The following CLSTN2 variants were observed in gnomAD, a reference collection of about 807,000 sequenced individuals.
CLSTN2 encodes the protein calsyntenin 2.
A neutral mutation model predicts 101.2 loss-of-function variants in CLSTN2; 48 were observed. The ratio of observed to expected loss-of-function variants is 0.47; its 90% CI spans 0.38 to 0.60. The LOEUF (loss-of-function observed/expected upper bound fraction) is 0.60. Among genes scored for constraint, CLSTN2 ranks in the 20% least tolerant of loss-of-function variants. The pLI is 0.00. For synonymous variants in CLSTN2, 481 were observed against 463.6 expected (o/e 1.04, Z -0.48); for missense variants, 1,160 against 1,238.2 (o/e 0.94, Z 0.95).
intron 1 of CLSTN2, among the ~76,000 whole-genome samples, chr3:139,953,194 T>C (rs1319057911): frequency 1.3e-5 from 2 of 152,134 alleles, no homozygotes; most frequent in African/African-American, 2.4e-5. Context: ...ACAGGTTGAA[T>C]AGAGACTAGA....
intron 2 of CLSTN2, among the ~76,000 whole-genome samples, chr3:140,178,179 C>T (rs553531908): frequency 5.9e-5 from 9 of 152,016 alleles, no homozygotes; most frequent in East Asian, 1.9e-4. Flanking sequence ...AAACCGAAGT[C>T]GTTGAATAAG....
chr3:140,071,646 A>G (rs7618982), intron 1 of CLSTN2, among the ~76,000 whole-genome samples: 31 of 152,226 alleles, frequency 2.0e-4, no homozygotes, highest in African/African-American at 7.2e-4. Flanking sequence ...CCTGTCTAAC[A>G]CGGTGAAACC....
intron 2 of CLSTN2, among the ~76,000 whole-genome samples, chr3:140,211,695 C>T (rs1019572118): frequency 6.6e-6 from 1 of 151,816 alleles, no homozygotes; most frequent in Non-Finnish European, 1.5e-5. Flanking sequence ...ATTTAACTTA[C>T]TTGAATGACA....
chr3:140,125,216 A>G (rs1384412049), intron 1 of CLSTN2, among the ~76,000 whole-genome samples: 2 of 152,116 alleles, frequency 1.3e-5, no homozygotes, highest in African/African-American at 2.4e-5. Context: ...GAATAGGAGC[A>G]TGAGAATGGG....
At chr3:140,051,123 A>G (rs888051777) in intron 1 of CLSTN2, among the ~76,000 whole-genome samples, 1 of 152,212 alleles carries the variant, frequency 6.6e-6, no homozygotes, top group Non-Finnish European at 1.5e-5. Flanking sequence ...CTCAGCTCCA[A>G]GGGAACAGGA....
At chr3:139,954,618 C>T (rs1935355791) in intron 1 of CLSTN2, among the ~76,000 whole-genome samples, 2 of 152,158 alleles carry the variant, frequency 1.3e-5, no homozygotes, top group Non-Finnish European at 2.9e-5. Flanking sequence ...GGGGGAACAT[C>T]TGGCACCTCT....
At chr3:140,466,875 G>C in intron 8 of CLSTN2, 144 bp downstream of exon 8, 2 of 1,058,398 alleles carry the variant, frequency 1.9e-6, no homozygotes, top group Non-Finnish European at 2.7e-6. Context: ...GAGACACACA[G>C]CATCTTAAAG....
Position 140,393,404 on chromosome 3 carries a change from A to G in CLSTN2, c.233-10225A>G, listed in dbSNP as rs931631720. 3.3e-5 allele frequency among the ~76,000 whole-genome samples: 5 copies of G among 152,220 alleles called. No individual in the cohort carries two copies. In the South Asian group the frequency reaches 6.2e-4, roughly 19 times the overall value. On this transcript the variant is annotated intron_variant, in intron 2 of 16. Transcript: ENST00000458420. ...TATCTTGAGTGCTCATTGACACTCA[A>G]AAACCTCAAATACGTTTAATTGTTT...
chr3:139,974,045 GA>G (rs904384532), intron 1 of CLSTN2, among the ~76,000 whole-genome samples: 1 of 152,202 alleles, frequency 6.6e-6, no homozygotes, highest in African/African-American at 2.4e-5. Flanking sequence ...TTAGCATTGT[GA>G]AGCCTGGCCC....
chr3:140,148,917 CAG>C (rs2009820740), intron 1 of CLSTN2, among the ~76,000 whole-genome samples: 2 of 152,250 alleles, frequency 1.3e-5, no homozygotes, highest in African/African-American at 4.8e-5. Flanking sequence ...GCCATGAATG[CAG>C]CTGGTTGTTA....
chr3:140,431,329 G>C (rs2088625986), intron 5 of CLSTN2, among the ~76,000 whole-genome samples: 1 of 152,188 alleles, frequency 6.6e-6, no homozygotes, highest in Non-Finnish European at 1.5e-5. Flanking sequence ...GAAACACAAA[G>C]TGGGCCTGAG....
intron 5 of CLSTN2, among the ~76,000 whole-genome samples, chr3:140,423,387 G>C (rs557323277): frequency 3.3e-5 from 5 of 152,288 alleles, no homozygotes; most frequent in South Asian, 2.1e-4. Flanking sequence ...CCAGACATGA[G>C]GCAGGCATTT....
At chr3:140,446,210 C>G (rs1933073609) in intron 5 of CLSTN2, among the ~76,000 whole-genome samples, 1 of 152,158 alleles carries the variant, frequency 6.6e-6, no homozygotes, top group Non-Finnish European at 1.5e-5. Flanking sequence ...GCTTTTAGAG[C>G]ATGGGCTGCA....
At chr3:139,957,277 G>A (rs901025685) in intron 1 of CLSTN2, among the ~76,000 whole-genome samples, 2 of 151,984 alleles carry the variant, frequency 1.3e-5, no homozygotes, top group African/African-American at 2.4e-5. Context: ...CCTCCAGGCA[G>A]CACCACTTAC....
At chr3:140,095,840 A>G (rs2008860752) in intron 1 of CLSTN2, among the ~76,000 whole-genome samples, 1 of 152,054 alleles carries the variant, frequency 6.6e-6, no homozygotes. Flanking sequence ...GCCATTCCAA[A>G]CCCCGTAAAT....
intron 1 of CLSTN2, among the ~76,000 whole-genome samples, chr3:140,137,577 G>A (rs2009633520): frequency 6.6e-6 from 1 of 152,162 alleles, no homozygotes; most frequent in Admixed American, 6.5e-5. Flanking sequence ...CTAGCCCAGG[G>A]ATTGTCATGT....
At chr3:140,114,118 G>A (rs2009200795) in intron 1 of CLSTN2, among the ~76,000 whole-genome samples, 1 of 152,016 alleles carries the variant, frequency 6.6e-6, no homozygotes, top group Non-Finnish European at 1.5e-5. Context: ...TGCCCATAAG[G>A]CTCAAAACAC....
chr3:139,959,262 TG>T (rs1308676395), intron 1 of CLSTN2, among the ~76,000 whole-genome samples: 3 of 152,248 alleles, frequency 2.0e-5, no homozygotes, highest in East Asian at 3.9e-4. Context: ...CCTCCAGCTG[TG>T]GGGTGGTAGT....
chr3:140,105,790 C>G (rs774954459), intron 1 of CLSTN2, among the ~76,000 whole-genome samples: 15 of 152,158 alleles, frequency 9.9e-5, no homozygotes, highest in Non-Finnish European at 1.9e-4. Context: ...CCTCAGGGAC[C>G]TGTTTTCCTC....
Sources: gnomAD v4.1 joint callset for allele counts (sites outside exome capture counted in the v4.1 genomes callset) on GRCh38, gnomAD v4.1.1 for gene constraint, MANE v1.5 for transcripts, NCBI Gene and HGNC (gene_info 2026-07-23, HGNC 2026-07-21) for gene names.